MMP16: variants seen among roughly 807,000 people sequenced by gnomAD.
The protein encoded by MMP16 is matrix metalloproteinase-16.
In MMP16, 12 loss-of-function variants were observed where a neutral mutation model predicts 67.8. The ratio of observed to expected loss-of-function variants is 0.18; its 90% CI spans 0.11 to 0.29. The LOEUF (loss-of-function observed/expected upper bound fraction) is 0.29. Among genes scored for constraint, MMP16 ranks in the 10% least tolerant of loss-of-function variants. The pLI, the probability that MMP16 is intolerant of heterozygous loss-of-function variation, is 1.00. For synonymous variants in MMP16, 249 were observed against 255.9 expected, an observed-to-expected ratio of 0.97 and a Z score of 0.26; for missense variants, 475 against 765.7, an observed-to-expected ratio of 0.62 and a Z score of 4.48.
chr8:88,326,046 G>GA (rs568401741), intron 1 of MMP16, among the ~76,000 whole-genome samples: 4 of 151,916 alleles, frequency 2.6e-5, no homozygotes, highest in South Asian at 2.1e-4. Context: ...AACAATATAA[G>GA]AAAAAAAATC....
chr8:88,238,223 T>A lies in MMP16; in HGVS notation c.133-40917A>T, dbSNP rs77220959. On this transcript the variant is annotated intron_variant, in intron 1 of 9. Coordinates refer to ENST00000286614, the MANE Select transcript of MMP16 (RefSeq NM_005941.5). ...ACACATCAAAGATCCTGAACAAGAC[T>A]TGGGCTTGGGCAGGCATAGTGTCTC... Among the ~76,000 whole-genome samples, 690 of 152,242 alleles carry A rather than the reference T, an allele frequency of 4.5e-3. 4 individuals are homozygous for A. Among genetic ancestry groups the A allele is most frequent in the African/African-American group, 0.015 (643 of 41,556 alleles).
At chr8:88,050,752 A>G (rs1277110783) in intron 8 of MMP16, among the ~76,000 whole-genome samples, 1 of 152,164 alleles carries the variant, frequency 6.6e-6, no homozygotes, top group African/African-American at 2.4e-5. Context: ...TATTCTCTCA[A>G]TGCTGTCGTT....
intron 3 of MMP16, among the ~76,000 whole-genome samples, chr8:88,182,577 A>G (rs2129742152): frequency 6.6e-6 from 1 of 152,288 alleles, no homozygotes; most frequent in Non-Finnish European, 1.5e-5. Context: ...TGGGGCTTGT[A>G]GGTCTACAGT....
intron 9 of MMP16, among the ~76,000 whole-genome samples, chr8:88,045,198 C>G (rs1470866483): frequency 6.6e-6 from 1 of 152,166 alleles, no homozygotes; most frequent in African/African-American, 2.4e-5. Flanking sequence ...TTGTGGGACA[C>G]TATCACACAG....
chr8:88,246,292 A>G (rs1204808201), intron 1 of MMP16, among the ~76,000 whole-genome samples: 1 of 152,184 alleles, frequency 6.6e-6, no homozygotes, highest in Non-Finnish European at 1.5e-5. Flanking sequence ...GTAACTGTTC[A>G]TTATATATAG....
At chr8:88,289,725 CACA>C (rs1810891928) in intron 1 of MMP16, among the ~76,000 whole-genome samples, 1 of 147,390 alleles carries the variant, frequency 6.8e-6, no homozygotes, top group African/African-American at 2.5e-5. Flanking sequence ...CACACACACA[CACA>C]CACCCCACTC....
chr8:88,265,243 T>TTTTTTTC (rs1554589926), intron 1 of MMP16, among the ~76,000 whole-genome samples: 4 of 149,170 alleles, frequency 2.7e-5, no homozygotes, highest in African/African-American at 7.5e-5. Flanking sequence ...TTTTTTTTTT[T>TTTTTTTC]CAGATACAGA....
chr8:88,051,176 C>A (rs905251327), intron 8 of MMP16, among the ~76,000 whole-genome samples: 2 of 152,114 alleles, frequency 1.3e-5, no homozygotes, highest in Non-Finnish European at 2.9e-5. Context: ...CTGAGGCTTA[C>A]TCATAAATAT....
At chr8:88,287,560 C>A (rs2130009220) in intron 1 of MMP16, among the ~76,000 whole-genome samples, 1 of 152,210 alleles carries the variant, frequency 6.6e-6, no homozygotes, top group Admixed American at 6.5e-5. Flanking sequence ...TCTTTTTGTT[C>A]ATTGTTACAT....
chr8:88,072,257 G>A (rs1001375501), intron 7 of MMP16, among the ~76,000 whole-genome samples: 3 of 152,044 alleles, frequency 2.0e-5, no homozygotes, highest in African/African-American at 7.2e-5. Context: ...GGGTGGTGGA[G>A]GGGGTCATTT....
chr8:88,121,720 C>T (rs1413511544), intron 4 of MMP16, among the ~76,000 whole-genome samples: 5 of 151,930 alleles, frequency 3.3e-5, no homozygotes, highest in African/African-American at 9.7e-5. Context: ...GTTTTGAGTT[C>T]GTTGCTTTCA....
intron 1 of MMP16, among the ~76,000 whole-genome samples, chr8:88,312,583 C>A (rs1179355097): frequency 6.6e-6 from 1 of 152,158 alleles, no homozygotes; most frequent in African/African-American, 2.4e-5. Context: ...CAAAAGTCTT[C>A]TCTGGACTCT....
At chr8:88,163,778 C>A (rs1808669271) in intron 4 of MMP16, among the ~76,000 whole-genome samples, 1 of 152,048 alleles carries the variant, frequency 6.6e-6, no homozygotes, top group Non-Finnish European at 1.5e-5. Flanking sequence ...AAGTCTCATT[C>A]AGGCAATGTA....
chr8:88,106,051 G>GTGTATATATA (rs993318577), intron 6 of MMP16, among the ~76,000 whole-genome samples: 1 of 145,412 alleles, frequency 6.9e-6, no homozygotes, highest in African/African-American at 2.5e-5. Flanking sequence ...TACACGTTAT[G>GTGTATATATA]TATATATATA....
At chr8:88,108,521 G>A (rs1055533012) in intron 6 of MMP16, among the ~76,000 whole-genome samples, 3 of 151,240 alleles carry the variant, frequency 2.0e-5, no homozygotes, top group Non-Finnish European at 3.0e-5. Flanking sequence ...TCTTCTTTAT[G>A]TAATATGGAA....
At chr8:88,222,130 C>T (rs1413354272) in intron 1 of MMP16, among the ~76,000 whole-genome samples, 1 of 151,698 alleles carries the variant, frequency 6.6e-6, no homozygotes, top group African/African-American at 2.4e-5. Flanking sequence ...TGTCTCACTC[C>T]CATCTTAACA....
chr8:88,305,680 A>G (rs577182559), intron 1 of MMP16, among the ~76,000 whole-genome samples: 1 of 152,336 alleles, frequency 6.6e-6, no homozygotes, highest in Admixed American at 6.5e-5. Flanking sequence ...CCTGCTCCTG[A>G]ATGACTTTGG....
At chr8:88,255,536 A>G (rs138715293) in intron 1 of MMP16, among the ~76,000 whole-genome samples, 409 of 152,328 alleles carry the variant, frequency 2.7e-3, no homozygotes, top group Non-Finnish European at 4.7e-3. Flanking sequence ...AGAGCTTCTT[A>G]TAGATCCAGT....
intron 5 of MMP16, among the ~76,000 whole-genome samples, chr8:88,118,378 T>C (rs991929038): frequency 1.3e-5 from 2 of 152,052 alleles, no homozygotes; most frequent in African/African-American, 4.8e-5. Context: ...TTTTGTTACA[T>C]TCATTTATTA....
Sources: allele counts gnomAD v4.1 joint callset (sites outside exome capture counted in the v4.1 genomes callset), GRCh38; gene constraint gnomAD v4.1.1; transcripts MANE v1.5; gene names NCBI Gene and HGNC (gene_info 2026-07-23, HGNC 2026-07-21).